SGK3: variants seen among roughly 807,000 people sequenced by gnomAD.
The protein encoded by SGK3 is serum/glucocorticoid regulated kinase family member 3.
Under a neutral mutation model 68.5 loss-of-function variants are expected in SGK3, and 47 were observed. That is an observed-to-expected ratio of 0.69 (90% CI 0.54 to 0.87). The LOEUF is 0.87. Among genes scored for constraint, SGK3 ranks in the 40% least tolerant of loss-of-function variants. The probability of loss-of-function intolerance (pLI) is 0.00; values close to 1 mark genes in which losing one functional copy is unlikely to be tolerated. For missense variants in SGK3, 479 were observed against 575.5 expected, an observed-to-expected ratio of 0.83 and a Z score of 1.72; for synonymous variants, 181 against 189.1, an observed-to-expected ratio of 0.96 and a Z score of 0.35.
At chr8:66,728,915 C>CT (rs1035351198) in intron 1 of SGK3, among the ~76,000 whole-genome samples, 1 of 149,220 alleles carries the variant, frequency 6.7e-6, no homozygotes, top group Non-Finnish European at 1.5e-5. Context: ...AACTCTGCCT[C>CT]TTAAAAAAAA....
intron 1 of SGK3, among the ~76,000 whole-genome samples, chr8:66,760,613 C>T (rs1345461847): frequency 1.3e-5 from 2 of 151,968 alleles, no homozygotes; most frequent in African/African-American, 2.4e-5. Flanking sequence ...GGATTACAGG[C>T]GTGAGTCACT....
intron 5 of SGK3, among the ~76,000 whole-genome samples, chr8:66,821,523 T>C (rs544448014): frequency 6.6e-6 from 1 of 151,930 alleles, no homozygotes; most frequent in Admixed American, 6.6e-5. Context: ...CATAATTTTT[T>C]TTTTTTTGAG....
chr8:66,843,655 G>A, intron 14 of SGK3, 108 bp downstream of exon 14: 4 of 1,139,302 alleles, frequency 3.5e-6, no homozygotes, highest in East Asian at 2.5e-5. Context: ...CACTAACAGA[G>A]CAGTAATAGT....
At chr8:66,788,648 G>C (rs1463092147) in intron 1 of SGK3, among the ~76,000 whole-genome samples, 1 of 152,188 alleles carries the variant, frequency 6.6e-6, no homozygotes, top group African/African-American at 2.4e-5. Context: ...GCATATCCAA[G>C]TATTGAAACT....
chr8:66,839,146 A>G (rs1398832894), intron 10 of SGK3, among the ~76,000 whole-genome samples: 1 of 152,154 alleles, frequency 6.6e-6, no homozygotes, highest in Non-Finnish European at 1.5e-5. Context: ...TTCCGAGGCC[A>G]GAAAGGAGCA....
intron 1 of SGK3, among the ~76,000 whole-genome samples, chr8:66,735,501 G>A (rs1169932680): frequency 6.6e-6 from 1 of 152,096 alleles, no homozygotes; most frequent in Non-Finnish European, 1.5e-5. Context: ...AAGGTTTCTG[G>A]GTAAGTGATT....
At chr8:66,741,823 G>A (rs1404642313) in intron 1 of SGK3, among the ~76,000 whole-genome samples, 1 of 152,208 alleles carries the variant, frequency 6.6e-6, no homozygotes, top group Non-Finnish European at 1.5e-5. Flanking sequence ...ACCAGTAGAT[G>A]GGGCTTTGGT....
intron 4 of SGK3, among the ~76,000 whole-genome samples, chr8:66,807,722 G>C (rs1457183542): frequency 6.6e-6 from 1 of 152,152 alleles, no homozygotes; most frequent in Non-Finnish European, 1.5e-5. Context: ...GGGGAGTTTG[G>C]TAGTGTTTAG....
At chr8:66,769,660 C>T (rs752820027) in intron 1 of SGK3, among the ~76,000 whole-genome samples, 1 of 152,174 alleles carries the variant, frequency 6.6e-6, no homozygotes, top group Non-Finnish European at 1.5e-5. Context: ...TTGTTTTCAT[C>T]TCTAAAAGTT....
chr8:66,722,099 G>A (rs1227681134), intron 1 of SGK3, among the ~76,000 whole-genome samples: 3 of 152,064 alleles, frequency 2.0e-5, no homozygotes, highest in Non-Finnish European at 4.4e-5. Context: ...TAGGGATAGA[G>A]GATCAGGCCC....
chr8:66,742,427 G>T (rs896915090), intron 1 of SGK3, among the ~76,000 whole-genome samples: 7 of 152,100 alleles, frequency 4.6e-5, no homozygotes, highest in African/African-American at 1.4e-4. Context: ...GAGTGCAGTG[G>T]CATGGTCATG....
intron 4 of SGK3, among the ~76,000 whole-genome samples, chr8:66,808,247 G>A (rs1163601312): frequency 1.3e-5 from 2 of 152,146 alleles, no homozygotes; most frequent in African/African-American, 4.8e-5. Context: ...TAACAAAGCA[G>A]CCTCTAACAA....
Position 66,795,533 on chromosome 8 carries a change from G to A in SGK3, c.96+1701G>A, listed in dbSNP as rs147682152. Among the ~76,000 whole-genome samples the A allele has an allele frequency of 3.3e-3, 500 of 152,150 alleles. 6 individuals carry two copies. Among genetic ancestry groups the A allele is most frequent in the African/African-American group, 0.011 (437 of 41,500 alleles). ...TGCCTTTGGGCCATTCTTTTCTCGA[G>A]GGGATACCTCCTGCCAAGTTTGATG... On this transcript the variant is annotated intron_variant, in intron 2 of 16. Transcript: ENST00000521198.
intron 1 of SGK3, among the ~76,000 whole-genome samples, chr8:66,789,519 G>A (rs1249458071): frequency 6.6e-6 from 1 of 152,198 alleles, no homozygotes; most frequent in Non-Finnish European, 1.5e-5. Context: ...AGGGAAATAA[G>A]CACAGGATGG....
At chr8:66,812,310 G>A (rs1008661616) in intron 4 of SGK3, among the ~76,000 whole-genome samples, 1 of 152,060 alleles carries the variant, frequency 6.6e-6, no homozygotes, top group Non-Finnish European at 1.5e-5. Flanking sequence ...TGTAATCCCA[G>A]CACTTTGGGA....
chr8:66,740,625 G>A (rs1805450756), intron 1 of SGK3, among the ~76,000 whole-genome samples: 2 of 152,168 alleles, frequency 1.3e-5, no homozygotes, highest in Admixed American at 6.5e-5. Context: ...AGTAGGCTGA[G>A]GCCGGGCACA....
chr8:66,745,756 T>C (rs1805637782), intron 1 of SGK3, among the ~76,000 whole-genome samples: 1 of 152,140 alleles, frequency 6.6e-6, no homozygotes, highest in African/African-American at 2.4e-5. Flanking sequence ...CCAAGAACCA[T>C]GTGCCAGCAG....
At chr8:66,730,941 T>G (rs1463311872) in intron 1 of SGK3, among the ~76,000 whole-genome samples, 1 of 151,874 alleles carries the variant, frequency 6.6e-6, no homozygotes, top group African/African-American at 2.4e-5. Context: ...CCCGCCCCAG[T>G]CTCCCAAAGT....
At chr8:66,848,151 A>T (rs912572420) in intron 15 of SGK3, among the ~76,000 whole-genome samples, 8 of 152,100 alleles carry the variant, frequency 5.3e-5, no homozygotes, top group Admixed American at 2.0e-4. Context: ...CTCTGCCAAC[A>T]ACTTCCTTTC....
Sources: gnomAD v4.1 joint callset for allele counts (sites outside exome capture counted in the v4.1 genomes callset) on GRCh38, gnomAD v4.1.1 for gene constraint, MANE v1.5 for transcripts, NCBI Gene and HGNC (gene_info 2026-07-23, HGNC 2026-07-21) for gene names.